AKAP8L: variants seen among roughly 807,000 people sequenced by gnomAD.
The protein encoded by AKAP8L is A-kinase anchor protein 8-like.
A neutral mutation model predicts 77.5 loss-of-function variants in AKAP8L; 34 were observed. The ratio of observed to expected loss-of-function variants is 0.44; its 90% CI spans 0.33 to 0.58. AKAP8L has a LOEUF of 0.58. Among genes scored for constraint, AKAP8L ranks in the 20% least tolerant of loss-of-function variants. The pLI, the probability that AKAP8L is intolerant of heterozygous loss-of-function variation, is 0.02. For missense variants in AKAP8L, 806 were observed against 887.6 expected, an observed-to-expected ratio of 0.91 and a Z score of 1.17; for synonymous variants, 342 against 340.7, an observed-to-expected ratio of 1.00 and a Z score of -0.04.
chr19:15,411,060 C>T (rs1167192370), intron 1 of AKAP8L, among the ~76,000 whole-genome samples: 1 of 152,192 alleles, frequency 6.6e-6, no homozygotes, highest in Non-Finnish European at 1.5e-5. Flanking sequence ...GCAATCCACC[C>T]TCCTGAACCT....
chr19:15,395,192 G>A (rs1967744227), intron 12 of AKAP8L, among the ~76,000 whole-genome samples: 1 of 151,896 alleles, frequency 6.6e-6, no homozygotes, highest in Non-Finnish European at 1.5e-5. Flanking sequence ...ACCACGCCTG[G>A]CTAATTTTGT....
At chr19:15,385,905 CTTTCTTTTT>C (rs1241077438) in intron 12 of AKAP8L, among the ~76,000 whole-genome samples, 198 of 143,036 alleles carry the variant, frequency 1.4e-3, no homozygotes, top group African/African-American at 5.0e-3. Flanking sequence ...AGCCAACTTT[CTTTCTTTTT>C]TTTCTTTTTT....
intron 1 of AKAP8L, among the ~76,000 whole-genome samples, chr19:15,416,069 T>G (rs1968202186): frequency 6.6e-6 from 1 of 151,968 alleles, no homozygotes; most frequent in Non-Finnish European, 1.5e-5. Context: ...TCAAGCAATC[T>G]TCCTGCCTCG....
chr19:15,387,201 T>C (rs1199995826), intron 12 of AKAP8L, among the ~76,000 whole-genome samples: 1 of 152,164 alleles, frequency 6.6e-6, no homozygotes, highest in Non-Finnish European at 1.5e-5. Context: ...CTACTGTACC[T>C]CCTCCCATGT....
At chr19:15,381,104 C>T (rs935493658) in intron 12 of AKAP8L, 1 of 155,636 alleles carries the variant, frequency 6.4e-6, no homozygotes, top group Non-Finnish European at 1.4e-5. Context: ...TGAAGAGAGT[C>T]TTCTCTGCTG....
rs1381590098 is a variant in AKAP8L, at chr19:15,403,411, G to A, written c.362+64C>T. The A allele has an allele frequency of 8.7e-6, 13 of 1,497,992 alleles. No homozygotes were observed. The highest frequency in any genetic ancestry group is 3.5e-5 in the South Asian group (3 of 86,868). 92.8% of individuals were successfully genotyped at this position (1,497,992 alleles called of 1,614,324 possible). On this transcript the variant is annotated intron_variant, in intron 4 of 13. Transcript: ENST00000397410. This position sits in a 1 kb window ranked among gnomAD's most constrained non-coding sequence, Gnocchi z 4.3. ...CAGAGGGGCACTCAGAGAGGAAAACGCAGTGGGCAGCAGGCAGGAGCCGCC... is the reference window on the plus strand; with the variant it reads ...CAGAGGGGCACTCAGAGAGGAAAACACAGTGGGCAGCAGGCAGGAGCCGCC...
At position 15,403,567 on chromosome 19, in the gene AKAP8L, G is replaced by A. The variant is rs186142732; in HGVS notation, c.270C>T (p.Ser90=). The change falls in exon 4 of 14, where the codon TCC becomes TCT. Residue 90 remains serine (S), a synonymous_variant. Coordinates refer to ENST00000397410, the MANE Select transcript of AKAP8L (RefSeq NM_014371.4). The surrounding 1 kb of genome is among the most constrained non-coding windows in gnomAD (Gnocchi z 4.3). The stretch of plus-strand genomic sequence containing the variant: ...AGCGCTGGTTAATTCTGGATAAAAC[G>A]GAATCGGCACTGGCGCTACCCGAGG... ...TSASGSASAD[S]VLSRINQRLD... 2.8e-4 allele frequency: 459 copies of A among 1,613,826 alleles called. No homozygotes were observed. The highest frequency in any genetic ancestry group is 3.8e-4 in the Non-Finnish European group (446 of 1,179,894).
In AKAP8L at chr19:15,380,365, G is replaced by A. The variant is rs2145096258; in HGVS notation, c.1698C>T (p.Ala566=). ...EKEQEEAEGG[A]LDEGAQGEAA... is the part of the protein sequence containing the mutation. ...CTTCGCCCTGCGCCCCCTCGTCCAG[G>A]GCACCGCCCTCAGCCTCCTCCTGCT... Residue 566 remains alanine (A), a synonymous_variant, in exon 14 of 14, where the codon GCC becomes GCT. Transcript: ENST00000397410. 1 of 1,562,056 alleles carries A rather than the reference G, an allele frequency of 6.4e-7. No individual in the cohort carries two copies. The highest frequency in any genetic ancestry group is 8.6e-7 in the Non-Finnish European group (1 of 1,157,300).
chr19:15,380,879 G>T, intron 12 of AKAP8L: 1 of 480,232 alleles, frequency 2.1e-6, no homozygotes, highest in Non-Finnish European at 3.7e-6. Context: ...ACAGAAATCT[G>T]ATTTGCTTAC....
intron 12 of AKAP8L, among the ~76,000 whole-genome samples, chr19:15,394,018 T>C (rs1226204622): frequency 1.3e-5 from 2 of 151,390 alleles, no homozygotes; most frequent in African/African-American, 4.9e-5. Context: ...CTTTGGAAAA[T>C]AGTCTCACAA....
intron 1 of AKAP8L, chr19:15,417,486 C>T (rs1968228130): frequency 1.3e-5 from 2 of 152,218 alleles, no homozygotes; most frequent in African/African-American, 4.8e-5. Flanking sequence ...CCACTAGATA[C>T]CAGCAGCACT....
Position 15,401,619 on chromosome 19 carries a change from G to A in AKAP8L, c.363-16C>T, listed in dbSNP as rs1273748970. The A allele has an allele frequency of 6.5e-7, 1 of 1,547,508 alleles. No homozygotes were observed. Among genetic ancestry groups the A allele is most frequent in the Non-Finnish European group, 8.7e-7 (1 of 1,145,488 alleles). ...AGAGTCATACCTGCAGAGGCATGGG[G>A]TGAGCATCAGGTGGAGCCCCTCAGG... On this transcript the variant is annotated splice_polypyrimidine_tract_variant and intron_variant, in intron 4 of 13. Transcript: ENST00000397410. This position sits in a 1 kb window ranked among gnomAD's most constrained non-coding sequence, Gnocchi z 6.2.
intron 4 of AKAP8L, among the ~76,000 whole-genome samples, chr19:15,402,363 C>T (rs1568269724): frequency 6.6e-6 from 1 of 152,166 alleles, no homozygotes; most frequent in Non-Finnish European, 1.5e-5. Flanking sequence ...ACCCCACACA[C>T]CTCACAGGCA....
At chr19:15,404,153 C>T (rs1967954189) in intron 2 of AKAP8L, 111 bp from the exon 3 acceptor site, 1 of 1,114,876 alleles carries the variant, frequency 9.0e-7, no homozygotes, top group East Asian at 2.4e-5. Flanking sequence ...GGCTGCACCT[C>T]CCCTAACCGA....
chr19:15,383,210 CTTTT>C (rs900385179), intron 12 of AKAP8L: 2 of 152,132 alleles, frequency 1.3e-5, no homozygotes, highest in African/African-American at 4.8e-5. Context: ...TATTGTCTTT[CTTTT>C]TATTTTATTT....
At position 15,401,114 on chromosome 19, in the gene AKAP8L, C is replaced by T. The variant is rs370497257; in HGVS notation, c.816+36G>A. On this transcript the variant is annotated intron_variant, in intron 5 of 13. Transcript: ENST00000397410. The surrounding 1 kb of genome is among the most constrained non-coding windows in gnomAD (Gnocchi z 6.2). ...GCCCTTAGCTCCGCCCCAGTGGGAA[C>T]TAAGCTTCCCAGAGGGGAAGGCTGC... is the stretch of plus-strand genomic sequence containing the variant. 2.7e-5 allele frequency: 43 copies of T among 1,606,586 alleles called. No individual in the cohort carries two copies. The highest frequency in any genetic ancestry group is 1.6e-4 in the Middle Eastern group (1 of 6,082).
In AKAP8L at chr19:15,398,503, G is replaced by A. The variant is rs1320940036; in HGVS notation, c.1158-648C>T. On this transcript the variant is annotated intron_variant, in intron 9 of 13. Coordinates refer to ENST00000397410, the MANE Select transcript of AKAP8L (RefSeq NM_014371.4). The surrounding 1 kb of genome is among the most constrained non-coding windows in gnomAD (Gnocchi z 9.2). ...GAGGGCAGCCTGGAGTCACCTGGGC[G>A]AGGTGCTCTGTCTGGGCCTGGTGTC... 3 of 884,882 alleles carry A rather than the reference G, an allele frequency of 3.4e-6. No individual in the cohort carries two copies. Among genetic ancestry groups the A allele is most frequent in the African/African-American group, 3.6e-5 (2 of 55,218 alleles). The allele number at this position is 884,882 out of a possible 1,614,324, so 54.8% of individuals were successfully genotyped here.
At chr19:15,400,741 T>C in intron 7 of AKAP8L, 53 bp downstream of exon 7, 3 of 1,601,792 alleles carry the variant, frequency 1.9e-6, no homozygotes, top group Non-Finnish European at 2.6e-6. Flanking sequence ...CACCACTCTT[T>C]AGGCCAGCTC....
intron 1 of AKAP8L, among the ~76,000 whole-genome samples, chr19:15,414,436 A>G (rs1968165468): frequency 6.6e-6 from 1 of 151,656 alleles, no homozygotes; most frequent in Admixed American, 6.6e-5. Flanking sequence ...AAAATAAAAT[A>G]TGCCCTATAT....
Sources: gnomAD v4.1 joint callset for allele counts (sites outside exome capture counted in the v4.1 genomes callset) on GRCh38, gnomAD v4.1.1 for gene constraint, Gnocchi (gnomAD v3.1) non-coding constraint, MANE v1.5 for transcripts, NCBI Gene and HGNC (gene_info 2026-07-23, HGNC 2026-07-21) for gene names.